The following AVPI1 variants were observed in gnomAD, a reference collection of about 807,000 sequenced individuals.
AVPI1 encodes arginine vasopressin-induced protein 1.
AVPI1 carries 9 observed loss-of-function variants against 11.9 expected under a neutral mutation model. The observed-to-expected ratio is 0.76, with a 90% CI of 0.46 to 1.32. The LOEUF (loss-of-function observed/expected upper bound fraction) is 1.32. Among genes scored for constraint, AVPI1 ranks in the 40% most tolerant of loss-of-function variants. The pLI is 0.00. For missense variants in AVPI1, 207 were observed against 195.8 expected (o/e 1.06, Z -0.34); for synonymous variants, 68 against 78.1 (o/e 0.87, Z 0.68).
intron 1 of AVPI1, 99 bp from the exon 2 acceptor site, chr10:97,680,014 A>C: frequency 8.4e-7 from 1 of 1,186,512 alleles, no homozygotes; most frequent in Non-Finnish European, 1.1e-6. Context: ...TCCATTCTCC[A>C]AGAGCTAAAC....
intron 1 of AVPI1, among the ~76,000 whole-genome samples, chr10:97,681,872 G>A (rs1270261051): frequency 1.5e-5 from 2 of 129,690 alleles, no homozygotes; most frequent in East Asian, 2.3e-4. Context: ...GCGACAGAGC[G>A]AGACTCCGTC....
chr10:97,680,234 G>C (rs987467386), intron 1 of AVPI1, among the ~76,000 whole-genome samples: 3 of 152,230 alleles, frequency 2.0e-5, no homozygotes, highest in African/African-American at 7.2e-5. Flanking sequence ...ACCCAGGTCT[G>C]TCTAGCTGTA....
At chr10:97,685,802 CCT>C (rs1172768370) in intron 1 of AVPI1, among the ~76,000 whole-genome samples, 1 of 152,112 alleles carries the variant, frequency 6.6e-6, no homozygotes, top group Admixed American at 6.5e-5. Context: ...AATCCATGCC[CCT>C]GGAGGTGGAG....
intron 2 of AVPI1, 129 bp from the exon 3 acceptor site, chr10:97,678,154 G>A: frequency 3.9e-6 from 4 of 1,017,580 alleles, no homozygotes; most frequent in Non-Finnish European, 5.7e-6. Context: ...CTCTGCTCTG[G>A]TCTTTCCCCC....
At chr10:97,684,795 C>T (rs917716323) in intron 1 of AVPI1, among the ~76,000 whole-genome samples, 3 of 151,986 alleles carry the variant, frequency 2.0e-5, no homozygotes, top group Admixed American at 2.0e-4. Context: ...CCACCATGAC[C>T]GGCCAAGCCC....
intron 2 of AVPI1, among the ~76,000 whole-genome samples, chr10:97,678,348 C>A (rs775882630): frequency 6.6e-6 from 1 of 152,166 alleles, no homozygotes; most frequent in Non-Finnish European, 1.5e-5. Flanking sequence ...GAGTTAAATA[C>A]AAGCTATGAC....
chr10:97,677,751 A>T lies in AVPI1; in HGVS notation c.*118T>A, dbSNP rs1378830547. On this transcript the variant is annotated 3_prime_UTR_variant, in exon 3 of 3. Coordinates refer to ENST00000370626, the MANE Select transcript of AVPI1 (RefSeq NM_021732.3). ...GTTCTGAATGGAGCAGGTCAGTGGC[A>T]GCAGCCTCTTGCTTTCATTTACCCC... is the stretch of plus-strand genomic sequence containing the variant. 2.4e-6 allele frequency: 3 copies of T among 1,251,462 alleles called. No homozygotes were observed. The highest frequency in any genetic ancestry group is 2.3e-5 in the Admixed American group (1 of 43,940). The allele number at this position is 1,251,462 out of a possible 1,614,324, so 77.5% of individuals were successfully genotyped here. A position where few individuals can be genotyped will look rare whatever the true frequency, so the allele number is the denominator to read the frequency against.
At chr10:97,686,085 C>T (rs577694305) in intron 1 of AVPI1, among the ~76,000 whole-genome samples, 2 of 152,230 alleles carry the variant, frequency 1.3e-5, no homozygotes, top group Admixed American at 1.3e-4. Context: ...GAGTTCCAGA[C>T]CAGCCTGGTC....
chr10:97,682,575 C>T (rs182105064), intron 1 of AVPI1, among the ~76,000 whole-genome samples: 72 of 152,090 alleles, frequency 4.7e-4, no homozygotes, highest in Admixed American at 1.4e-3. Context: ...GAATTGTCTC[C>T]GCCCCACTCA....
Position 97,679,876 on chromosome 10 carries a change from C to T in AVPI1, c.30G>A (p.Glu10=), listed in dbSNP as rs2041695079. The change falls in exon 2 of 3, where the codon GAG becomes GAA. Residue 10 remains glutamate, a synonymous_variant. Coordinates refer to ENST00000370626, the MANE Select transcript of AVPI1 (RefSeq NM_021732.3). MGTPASVVS[E]PPPWQAPIEA... is the part of the protein sequence containing the mutation. Reference sequence around the variant, plus strand: ...CAATCGGGGCCTGCCAAGGGGGTGGCTCACTGACCACCGAGGCTGGGGTAC... The same window carrying T: ...CAATCGGGGCCTGCCAAGGGGGTGGTTCACTGACCACCGAGGCTGGGGTAC... 1 of 1,592,144 alleles carries T rather than the reference C, an allele frequency of 6.3e-7. No homozygotes were observed. Among genetic ancestry groups the T allele is most frequent in the African/African-American group, 1.3e-5 (1 of 74,712 alleles).
intron 1 of AVPI1, among the ~76,000 whole-genome samples, chr10:97,681,823 A>C (rs2041705678): frequency 1.4e-5 from 2 of 148,066 alleles, no homozygotes; most frequent in South Asian, 4.3e-4. Flanking sequence ...GCTTGCAGTG[A>C]GCCGAGATTG....
At chr10:97,680,923 C>T (rs1282083327) in intron 1 of AVPI1, among the ~76,000 whole-genome samples, 1 of 152,184 alleles carries the variant, frequency 6.6e-6, no homozygotes, top group South Asian at 2.1e-4. Context: ...AGAAGTTAGA[C>T]TCTGTGTCAA....
chr10:97,681,893 A>C (rs1320837766), intron 1 of AVPI1, among the ~76,000 whole-genome samples: 1 of 142,418 alleles, frequency 7.0e-6, no homozygotes, highest in Non-Finnish European at 1.5e-5. Context: ...TCAAAAAAAA[A>C]GAAAAAAAAA....
chr10:97,684,385 C>T (rs966366494), intron 1 of AVPI1, among the ~76,000 whole-genome samples: 1 of 151,930 alleles, frequency 6.6e-6, no homozygotes, highest in Non-Finnish European at 1.5e-5. Flanking sequence ...CTGCGAGTCA[C>T]AAACATACCA....
chr10:97,679,966 AC>A, intron 1 of AVPI1, 51 bp from the exon 2 acceptor site: 3 of 1,455,044 alleles, frequency 2.1e-6, no homozygotes, highest in Non-Finnish European at 2.7e-6. Context: ...TCCTTCCCAG[AC>A]CTGGGGGTCC....
chr10:97,682,609 C>G (rs1057490781), intron 1 of AVPI1, among the ~76,000 whole-genome samples: 42 of 152,166 alleles, frequency 2.8e-4, no homozygotes, highest in South Asian at 6.2e-4. Flanking sequence ...TGACTCCCCC[C>G]CTTGCCCTGG....
At chr10:97,683,330 T>C (rs1175914241) in intron 1 of AVPI1, among the ~76,000 whole-genome samples, 1 of 152,118 alleles carries the variant, frequency 6.6e-6, no homozygotes, top group Non-Finnish European at 1.5e-5. Flanking sequence ...ACTAATTTTT[T>C]GTATTTTTAG....
intron 2 of AVPI1, 146 bp downstream of exon 2, chr10:97,679,473 T>C (rs2041690951): frequency 9.9e-7 from 1 of 1,005,794 alleles, no homozygotes; most frequent in African/African-American, 1.6e-5. Flanking sequence ...AACCAAGTGG[T>C]GACACTGTGT....
intron 1 of AVPI1, among the ~76,000 whole-genome samples, chr10:97,682,284 C>T (rs1436858909): frequency 3.9e-5 from 6 of 152,200 alleles, no homozygotes; most frequent in Non-Finnish European, 7.3e-5. Context: ...AGCCCCAGGC[C>T]TGCTGGGGAG....
Sources: allele counts gnomAD v4.1 joint callset (sites outside exome capture counted in the v4.1 genomes callset), GRCh38; gene constraint gnomAD v4.1.1; transcripts MANE v1.5; gene names NCBI Gene and HGNC (gene_info 2026-07-23, HGNC 2026-07-21).